FER: variants seen among roughly 807,000 people sequenced by gnomAD.
FER encodes the protein tyrosine-protein kinase Fer.
In FER, 63 loss-of-function variants were observed where a neutral mutation model predicts 111.0. The observed-to-expected ratio is 0.57, with a 90% CI of 0.46 to 0.70. FER has a LOEUF of 0.70. Among genes scored for constraint, FER ranks in the 30% least tolerant of loss-of-function variants. The probability of loss-of-function intolerance (pLI) is 0.00; values close to 1 mark genes in which losing one functional copy is unlikely to be tolerated. For synonymous variants in FER, 327 were observed against 313.9 expected (o/e 1.04, Z -0.44); for missense variants, 914 against 954.0 (o/e 0.96, Z 0.55).
At chr5:108,919,286 T>C (rs1561614948) in intron 10 of FER, among the ~76,000 whole-genome samples, 1 of 152,080 alleles carries the variant, frequency 6.6e-6, no homozygotes, top group African/African-American at 2.4e-5. Context: ...TTGTAGATTT[T>C]TTTTTATGGC....
At chr5:108,982,492 A>G (rs548692822) in intron 13 of FER, among the ~76,000 whole-genome samples, 1 of 152,030 alleles carries the variant, frequency 6.6e-6, no homozygotes, top group African/African-American at 2.4e-5. Context: ...AGAAATACCT[A>G]TTTTATGGCT....
intron 2 of FER, among the ~76,000 whole-genome samples, chr5:108,794,532 C>CCG (rs1554066081): frequency 1.5e-5 from 2 of 131,928 alleles, no homozygotes; most frequent in African/African-American, 5.4e-5. Flanking sequence ...CCGCACCCCC[C>CCG]CCCCTCCCCG....
At chr5:108,785,210 A>C (rs912799305) in intron 2 of FER, 16 of 602,304 alleles carry the variant, frequency 2.7e-5, no homozygotes, top group Non-Finnish European at 3.0e-6. Context: ...TATGTCTCCA[A>C]ATGGATCCCT....
At chr5:109,127,871 G>A (rs17450497) in intron 17 of FER, among the ~76,000 whole-genome samples, 1 of 151,928 alleles carries the variant, frequency 6.6e-6, no homozygotes. Flanking sequence ...TATGTGTTCT[G>A]TAATTAAAAG....
At chr5:108,938,018 TCTCTCTCTCACACACACACACACACA>T (rs1417957087) in intron 10 of FER, among the ~76,000 whole-genome samples, 30 of 115,208 alleles carry the variant, frequency 2.6e-4, no homozygotes, top group African/African-American at 6.7e-4. Flanking sequence ...TTTTTCCCTA[TCTCTCTCTCACACACACACACACACA>T]CACACACACA....
chr5:109,152,340 G>C (rs1186865591), intron 17 of FER, among the ~76,000 whole-genome samples: 1 of 151,854 alleles, frequency 6.6e-6, no homozygotes, highest in Non-Finnish European at 1.5e-5. Context: ...TTTGTGCCCT[G>C]CATTAGGGGG....
intron 10 of FER, among the ~76,000 whole-genome samples, chr5:108,931,552 TATC>T (rs1754677330): frequency 6.6e-6 from 1 of 152,206 alleles, no homozygotes; most frequent in Non-Finnish European, 1.5e-5. Context: ...TAAATTCTCT[TATC>T]ATTCCAGGCC....
chr5:108,749,182 C>T (rs896578881), intron 1 of FER, among the ~76,000 whole-genome samples: 5 of 152,248 alleles, frequency 3.3e-5, no homozygotes, highest in Middle Eastern at 3.4e-3. Flanking sequence ...CAGCGCCCCC[C>T]CCAACCCCCG....
intron 13 of FER, among the ~76,000 whole-genome samples, chr5:109,022,208 G>A (rs946111380): frequency 6.6e-6 from 1 of 151,996 alleles, no homozygotes; most frequent in Non-Finnish European, 1.5e-5. Context: ...TCCATGCCCT[G>A]CCCAAGCTAA....
chr5:108,794,781 A>G (rs1374132300), intron 2 of FER, among the ~76,000 whole-genome samples: 3 of 151,678 alleles, frequency 2.0e-5, no homozygotes, highest in Non-Finnish European at 4.4e-5. Flanking sequence ...ATTGGATGTT[A>G]TTTGTTTCTT....
chr5:109,089,301 A>G (rs1023423904), intron 16 of FER, among the ~76,000 whole-genome samples: 4 of 152,200 alleles, frequency 2.6e-5, no homozygotes, highest in Non-Finnish European at 5.9e-5. Context: ...GTGAAAAGTG[A>G]AATACCACTA....
At chr5:109,059,783 C>T (rs372391273) in intron 16 of FER, among the ~76,000 whole-genome samples, 116 of 152,164 alleles carry the variant, frequency 7.6e-4, no homozygotes, top group Middle Eastern at 3.4e-3. Context: ...CTTCCCAAAA[C>T]GTTAAATAAA....
chr5:109,013,943 T>C (rs2149810479), intron 13 of FER, among the ~76,000 whole-genome samples: 1 of 152,272 alleles, frequency 6.6e-6, no homozygotes, highest in African/African-American at 2.4e-5. Flanking sequence ...CTTTTTTTCT[T>C]GTAAATTTGT....
At chr5:108,805,455 T>G (rs1757105886) in intron 3 of FER, among the ~76,000 whole-genome samples, 1 of 152,168 alleles carries the variant, frequency 6.6e-6, no homozygotes, top group African/African-American at 2.4e-5. Context: ...GAAAATGTGG[T>G]AATGACTTTG....
chr5:109,141,802 G>T (rs796328385), intron 17 of FER, among the ~76,000 whole-genome samples: 4 of 152,336 alleles, frequency 2.6e-5, no homozygotes, highest in African/African-American at 9.6e-5. Flanking sequence ...TCCTCCTGCA[G>T]AGAGAGATAC....
At chr5:108,760,702 A>G (rs1751635127) in intron 1 of FER, among the ~76,000 whole-genome samples, 1 of 152,180 alleles carries the variant, frequency 6.6e-6, no homozygotes, top group Non-Finnish European at 1.5e-5. Flanking sequence ...AGAATTGAAG[A>G]GAGTTAAGGC....
Position 108,755,474 on chromosome 5 carries a change from T to A in FER, c.-206+7474T>A, listed in dbSNP as rs1480654393. On this transcript the variant is annotated intron_variant, in intron 1 of 19. Coordinates refer to ENST00000281092, the MANE Select transcript of FER (RefSeq NM_005246.4). ...AAAGTGCATTTGACTCTTCTAGCAG[T>A]GTTCAGGGTTTTTTTGTTGTTGTTT... 3.9e-5 allele frequency among the ~76,000 whole-genome samples: 6 copies of A among 152,212 alleles called. 1 individual carries two copies. Among genetic ancestry groups the A allele is most frequent in the Admixed American group, 3.3e-4 (5 of 15,292 alleles).
chr5:109,080,738 T>C (rs553671106), intron 16 of FER, among the ~76,000 whole-genome samples: 2 of 152,256 alleles, frequency 1.3e-5, no homozygotes, highest in Admixed American at 6.6e-5. Flanking sequence ...ATTGTACATA[T>C]AGAATAAACT....
chr5:108,846,394 C>G (rs553901145), intron 5 of FER, among the ~76,000 whole-genome samples: 20 of 151,812 alleles, frequency 1.3e-4, no homozygotes, highest in Non-Finnish European at 2.4e-4. Context: ...CCATTGTACT[C>G]CAGACTGGGT....
Sources: gnomAD v4.1 joint callset for allele counts (sites outside exome capture counted in the v4.1 genomes callset) on GRCh38, gnomAD v4.1.1 for gene constraint, MANE v1.5 for transcripts, NCBI Gene and HGNC (gene_info 2026-07-23, HGNC 2026-07-21) for gene names.